The following GPC5 variants were observed in gnomAD, a reference collection of about 807,000 sequenced individuals.
GPC5 encodes glypican-5.
GPC5 carries 47 observed loss-of-function variants against 53.9 expected under a neutral mutation model. The observed-to-expected ratio is 0.87, with a 90% CI of 0.69 to 1.11. The LOEUF (loss-of-function observed/expected upper bound fraction) is 1.11. Ranked by LOEUF, GPC5 falls within the 50% of genes most tolerant of loss-of-function variation. The pLI is 0.00. For missense variants in GPC5, 748 were observed against 713.1 expected (o/e 1.05, Z -0.56); for synonymous variants, 286 against 263.3 (o/e 1.09, Z -0.84).
intron 7 of GPC5, among the ~76,000 whole-genome samples, chr13:92,362,561 T>TA (rs2043576865): frequency 6.6e-6 from 1 of 151,754 alleles, no homozygotes; most frequent in Non-Finnish European, 1.5e-5. Flanking sequence ...GTGAGGGTTA[T>TA]ATATCCTTCT....
At chr13:91,987,210 G>A (rs2040416219) in intron 6 of GPC5, among the ~76,000 whole-genome samples, 1 of 152,200 alleles carries the variant, frequency 6.6e-6, no homozygotes, top group Non-Finnish European at 1.5e-5. Context: ...AATGAAGCCT[G>A]CAAGTGTGAT....
At chr13:92,537,868 T>C (rs367710364) in intron 7 of GPC5, among the ~76,000 whole-genome samples, 12 of 152,284 alleles carry the variant, frequency 7.9e-5, no homozygotes, top group African/African-American at 2.9e-4. Context: ...CTCATCTTAA[T>C]AGCATCACTG....
Position 92,866,336 on chromosome 13 carries a change from C to T in GPC5, c.1616C>T (p.Thr539Ile), listed in dbSNP as rs1879335150. The change falls in exon 8 of 8, where the codon ACT becomes ATT. Residue 539 changes from threonine (T) to isoleucine (I), a missense_variant. By Grantham distance (89) the Thr-to-Ile change is moderately conservative. Coordinates refer to ENST00000377067, the MANE Select transcript of GPC5 (RefSeq NM_004466.6). ...SDVKQIHQTD[T>I]GSTLDTTGAG... is the part of the protein sequence containing the mutation. ...GTAAAGCAAATCCATCAAACAGACA[C>T]TGGCAGTACTTTAGACACAACAGGA... 1.9e-6 allele frequency: 3 copies of T among 1,612,980 alleles called. No individual in the cohort carries two copies. The highest frequency in any genetic ancestry group is 1.7e-6 in the Non-Finnish European group (2 of 1,179,232).
chr13:92,206,197 G>A (rs551063516), intron 7 of GPC5, among the ~76,000 whole-genome samples: 5 of 136,382 alleles, frequency 3.7e-5, no homozygotes, highest in African/African-American at 8.3e-5. Context: ...ACAGAGTCTC[G>A]GTCTGTCGCC....
At chr13:92,475,112 T>C (rs1204510597) in intron 7 of GPC5, among the ~76,000 whole-genome samples, 2 of 152,082 alleles carry the variant, frequency 1.3e-5, no homozygotes, top group Non-Finnish European at 2.9e-5. Flanking sequence ...GCATTGAAAA[T>C]AAACAGTTGA....
intron 2 of GPC5, among the ~76,000 whole-genome samples, chr13:91,476,178 T>G (rs1277549764): frequency 6.6e-6 from 1 of 152,188 alleles, no homozygotes; most frequent in Admixed American, 6.5e-5. Context: ...ATCTACCCAC[T>G]AGATGCCAGT....
intron 6 of GPC5, among the ~76,000 whole-genome samples, chr13:92,134,413 C>G (rs563884998): frequency 5.9e-5 from 9 of 152,010 alleles, no homozygotes; most frequent in Non-Finnish European, 1.0e-4. Context: ...CAAATATATA[C>G]GTTAAAATGT....
At chr13:92,050,607 A>T (rs1251941804) in intron 6 of GPC5, among the ~76,000 whole-genome samples, 1 of 152,242 alleles carries the variant, frequency 6.6e-6, no homozygotes, top group Non-Finnish European at 1.5e-5. Flanking sequence ...AGGAGCAAAG[A>T]TAAACTATTT....
intron 7 of GPC5, among the ~76,000 whole-genome samples, chr13:92,856,325 A>G (rs1425516715): frequency 1.3e-5 from 2 of 152,140 alleles, no homozygotes; most frequent in African/African-American, 4.8e-5. Context: ...AAAACAGAGT[A>G]AGCACTGAAG....
At chr13:92,310,981 A>G (rs909688282) in intron 7 of GPC5, among the ~76,000 whole-genome samples, 1 of 152,164 alleles carries the variant, frequency 6.6e-6, no homozygotes, top group African/African-American at 2.4e-5. Flanking sequence ...AATATTTTCT[A>G]TGTCAATGGC....
chr13:92,280,161 C>A (rs1226153216), intron 7 of GPC5, among the ~76,000 whole-genome samples: 2 of 151,912 alleles, frequency 1.3e-5, no homozygotes, highest in Non-Finnish European at 2.9e-5. Flanking sequence ...TCTAGATTAT[C>A]TAATTTGTTG....
chr13:92,100,405 A>C (rs868316481), intron 6 of GPC5, among the ~76,000 whole-genome samples: 1 of 152,330 alleles, frequency 6.6e-6, no homozygotes, highest in Middle Eastern at 3.4e-3. Flanking sequence ...TCATCTCAAA[A>C]AAATTTAAAA....
chr13:92,258,205 A>G (rs1480404189), intron 7 of GPC5, among the ~76,000 whole-genome samples: 1 of 152,172 alleles, frequency 6.6e-6, no homozygotes, highest in African/African-American at 2.4e-5. Context: ...GGAGATTCTA[A>G]TGCAAATTCA....
At chr13:92,627,497 A>G (rs1021357296) in intron 7 of GPC5, among the ~76,000 whole-genome samples, 2 of 152,198 alleles carry the variant, frequency 1.3e-5, no homozygotes, top group African/African-American at 4.8e-5. Context: ...ATTATAATGT[A>G]TTAAAGGACT....
chr13:92,660,671 G>A (rs1030461850), intron 7 of GPC5, among the ~76,000 whole-genome samples: 1 of 150,996 alleles, frequency 6.6e-6, no homozygotes. Context: ...ATTAATTTAG[G>A]CTATTTTGCA....
At chr13:92,231,865 C>T (rs1427774976) in intron 7 of GPC5, among the ~76,000 whole-genome samples, 2 of 152,136 alleles carry the variant, frequency 1.3e-5, no homozygotes, top group African/African-American at 4.8e-5. Flanking sequence ...GCTCGGGAGG[C>T]TGAGGCAGGA....
At chr13:92,514,127 C>G (rs989829725) in intron 7 of GPC5, among the ~76,000 whole-genome samples, 3 of 94,918 alleles carry the variant, frequency 3.2e-5, no homozygotes, top group Non-Finnish European at 7.1e-5. Context: ...GAAGGTTTTG[C>G]TAGTCCCTGC....
At chr13:91,434,262 A>G (rs890308113) in intron 1 of GPC5, among the ~76,000 whole-genome samples, 3 of 152,210 alleles carry the variant, frequency 2.0e-5, no homozygotes, top group Non-Finnish European at 4.4e-5. Flanking sequence ...TGTTTTAGAC[A>G]TGAAGTCCTT....
chr13:91,631,919 G>C (rs928512908), intron 2 of GPC5, among the ~76,000 whole-genome samples: 6 of 152,140 alleles, frequency 3.9e-5, no homozygotes, highest in African/African-American at 1.4e-4. Flanking sequence ...AGATGGTGAA[G>C]AAAGGCAAAG....
Sources: allele counts gnomAD v4.1 joint callset (sites outside exome capture counted in the v4.1 genomes callset), GRCh38; gene constraint gnomAD v4.1.1; transcripts MANE v1.5; gene names NCBI Gene and HGNC (gene_info 2026-07-23, HGNC 2026-07-21).